GPM6A: variants seen among roughly 807,000 people sequenced by gnomAD.
GPM6A encodes glycoprotein M6A.
In GPM6A, 7 loss-of-function variants were observed where a neutral mutation model predicts 32.1. That is an observed-to-expected ratio of 0.22 (90% CI 0.12 to 0.41). GPM6A has a LOEUF of 0.41. Among genes scored for constraint, GPM6A ranks in the 10% least tolerant of loss-of-function variants. The probability of loss-of-function intolerance (pLI) is 1.00; values close to 1 mark genes in which losing one functional copy is unlikely to be tolerated. For synonymous variants in GPM6A, 130 were observed against 123.4 expected (o/e 1.05, Z -0.35); for missense variants, 235 against 347.2 (o/e 0.68, Z 2.57).
At chr4:175,724,264 G>A (rs1256644271) in intron 1 of GPM6A, among the ~76,000 whole-genome samples, 1 of 152,210 alleles carries the variant, frequency 6.6e-6, no homozygotes, top group East Asian at 1.9e-4. Context: ...GTTGAACTCG[G>A]CCAGGTGTGG....
intron 1 of GPM6A, among the ~76,000 whole-genome samples, chr4:175,964,981 T>C (rs1159202173): frequency 6.6e-6 from 1 of 152,224 alleles, no homozygotes; most frequent in African/African-American, 2.4e-5. Context: ...ACTATTACAG[T>C]TGCAGACTTA....
chr4:175,876,674 G>A (rs1737093923), intron 1 of GPM6A, among the ~76,000 whole-genome samples: 1 of 152,116 alleles, frequency 6.6e-6, no homozygotes, highest in Non-Finnish European at 1.5e-5. Context: ...CATGAAAGTG[G>A]GAAAATTTCT....
intron 1 of GPM6A, among the ~76,000 whole-genome samples, chr4:175,938,892 A>C (rs959407801): frequency 3.9e-5 from 6 of 152,182 alleles, no homozygotes; most frequent in African/African-American, 1.4e-4. Flanking sequence ...TGGGAAAAAG[A>C]CTAAAGTCAA....
Position 175,856,679 on chromosome 4 carries a change from A to G in GPM6A, c.-22-44430T>C, listed in dbSNP as rs562848125. 1.4e-3 allele frequency among the ~76,000 whole-genome samples: 215 copies of G among 152,228 alleles called. 2 individuals carry two copies. Among genetic ancestry groups the G allele is most frequent in the Non-Finnish European group, 1.0e-3 (70 of 68,012 alleles). ...TGGTGTATGCAGAGGATTTTTACTGAGCGATGGAAGCAGGATGGGGACCTG... is the reference window on the plus strand; with the variant it reads ...TGGTGTATGCAGAGGATTTTTACTGGGCGATGGAAGCAGGATGGGGACCTG... On this transcript the variant is annotated intron_variant, in intron 1 of 7. Transcript: ENST00000280187.
chr4:175,881,332 A>T (rs1391611817), intron 1 of GPM6A, among the ~76,000 whole-genome samples: 1 of 152,208 alleles, frequency 6.6e-6, no homozygotes, highest in East Asian at 1.9e-4. Flanking sequence ...ATCATTAAAA[A>T]GTCAGGAAAC....
intron 1 of GPM6A, among the ~76,000 whole-genome samples, chr4:175,872,929 A>AT (rs1390018062): frequency 1.2e-4 from 19 of 152,214 alleles, no homozygotes; most frequent in Non-Finnish European, 8.8e-5. Flanking sequence ...ATAAATACTA[A>AT]TTAACCTTCA....
intron 1 of GPM6A, among the ~76,000 whole-genome samples, chr4:175,829,630 A>C (rs1411119755): frequency 2.1e-5 from 3 of 141,896 alleles, no homozygotes; most frequent in Non-Finnish European, 4.5e-5. Flanking sequence ...AAAAACTACC[A>C]AAATAAGTCA....
chr4:175,985,994 T>C (rs1428364368), intron 1 of GPM6A, among the ~76,000 whole-genome samples: 3 of 151,958 alleles, frequency 2.0e-5, no homozygotes, highest in African/African-American at 7.3e-5. Flanking sequence ...TTAGTAGAGA[T>C]AGGGTTTCAC....
At chr4:175,660,626 T>A (rs1451381335) in intron 3 of GPM6A, among the ~76,000 whole-genome samples, 1 of 152,146 alleles carries the variant, frequency 6.6e-6, no homozygotes, top group Non-Finnish European at 1.5e-5. Flanking sequence ...CACAATTTTT[T>A]AAAAAACACA....
intron 4 of GPM6A, among the ~76,000 whole-genome samples, chr4:175,644,600 T>C (rs564050427): frequency 6.6e-6 from 1 of 152,028 alleles, no homozygotes. Context: ...TGAGCTGCAG[T>C]GTAAATTTGA....
intron 1 of GPM6A, among the ~76,000 whole-genome samples, chr4:175,778,211 T>C (rs4690633): frequency 0.43 from 65,520 of 152,074 alleles, 15,843 homozygotes; most frequent in East Asian, 0.88. Context: ...TAAGGAAGGC[T>C]GAAGCATTTA....
At chr4:175,697,776 G>A (rs952091622) in intron 2 of GPM6A, among the ~76,000 whole-genome samples, 3 of 152,160 alleles carry the variant, frequency 2.0e-5, no homozygotes, top group Admixed American at 1.3e-4. Context: ...CACCTCAAAT[G>A]TAATGGGACA....
At chr4:175,832,285 T>C (rs1735640696) in intron 1 of GPM6A, among the ~76,000 whole-genome samples, 1 of 152,230 alleles carries the variant, frequency 6.6e-6, no homozygotes, top group Admixed American at 6.5e-5. Context: ...TTTTCAAAAG[T>C]GTTTGAGATT....
intron 1 of GPM6A, among the ~76,000 whole-genome samples, chr4:176,002,038 A>G (rs1249608953): frequency 6.6e-6 from 1 of 152,136 alleles, no homozygotes; most frequent in Non-Finnish European, 1.5e-5. Context: ...GCAGAGGATC[A>G]GCGCCCAAGC....
intron 1 of GPM6A, among the ~76,000 whole-genome samples, chr4:175,984,840 C>T (rs975954040): frequency 6.6e-6 from 1 of 152,104 alleles, no homozygotes; most frequent in Non-Finnish European, 1.5e-5. Context: ...TCTGCATAAA[C>T]CTGTTGTCCC....
chr4:175,839,163 G>C (rs1316876478), intron 1 of GPM6A, among the ~76,000 whole-genome samples: 2 of 152,152 alleles, frequency 1.3e-5, no homozygotes, highest in Admixed American at 6.6e-5. Context: ...GTTCAAGACA[G>C]CCATTTTGAA....
chr4:175,687,131 G>T (rs1744025394), intron 2 of GPM6A, among the ~76,000 whole-genome samples: 1 of 152,132 alleles, frequency 6.6e-6, no homozygotes, highest in African/African-American at 2.4e-5. Flanking sequence ...AATGTTTAGG[G>T]TTGTGGTAAA....
At chr4:175,955,510 A>G (rs2126387057) in intron 1 of GPM6A, among the ~76,000 whole-genome samples, 1 of 152,324 alleles carries the variant, frequency 6.6e-6, no homozygotes, top group African/African-American at 2.4e-5. Flanking sequence ...TATGTATCAC[A>G]TGTTCAAATA....
At chr4:175,920,209 T>C (rs1738621265) in intron 1 of GPM6A, among the ~76,000 whole-genome samples, 1 of 152,220 alleles carries the variant, frequency 6.6e-6, no homozygotes, top group Non-Finnish European at 1.5e-5. Context: ...ACTGATATTA[T>C]TATTGCCACT....
Sources: gnomAD v4.1 joint callset for allele counts (sites outside exome capture counted in the v4.1 genomes callset) on GRCh38, gnomAD v4.1.1 for gene constraint, MANE v1.5 for transcripts, NCBI Gene and HGNC (gene_info 2026-07-23, HGNC 2026-07-21) for gene names.